MSRA: variants seen among roughly 807,000 people sequenced by gnomAD.
MSRA encodes methionine sulfoxide reductase A.
In MSRA, 54 loss-of-function variants were observed where a neutral mutation model predicts 31.3. That is an observed-to-expected ratio of 1.73 (90% CI 1.39 to 2.17). The LOEUF (loss-of-function observed/expected upper bound fraction) is 2.17, where lower values mean the gene tolerates loss of function less well. Ranked by LOEUF, MSRA falls within the 30% of genes most tolerant of loss-of-function variation. The pLI, the probability that MSRA is intolerant of heterozygous loss-of-function variation, is 0.00. For synonymous variants in MSRA, 169 were observed against 116.5 expected, an observed-to-expected ratio of 1.45 and a Z score of -2.90; for missense variants, 507 against 300.9, an observed-to-expected ratio of 1.69 and a Z score of -5.07.
intron 1 of MSRA, among the ~76,000 whole-genome samples, chr8:10,162,909 C>A (rs78760811): frequency 0.051 from 7,774 of 152,206 alleles, 310 homozygotes; most frequent in South Asian, 0.12. Context: ...CACGGAATAT[C>A]ATGGGGCCTC....
intron 2 of MSRA, among the ~76,000 whole-genome samples, chr8:10,210,261 G>A (rs1209334333): frequency 1.3e-5 from 2 of 152,164 alleles, no homozygotes; most frequent in African/African-American, 2.4e-5. Context: ...AGAGCCACTT[G>A]GCCAAGGAGG....
intron 1 of MSRA, among the ~76,000 whole-genome samples, chr8:10,147,244 T>C (rs1180034504): frequency 6.6e-6 from 1 of 152,070 alleles, no homozygotes; most frequent in Admixed American, 6.5e-5. Context: ...CAGTGTTGCA[T>C]GTGTTGGATT....
chr8:10,279,519 A>T (rs918452181), intron 3 of MSRA, among the ~76,000 whole-genome samples: 1 of 152,004 alleles, frequency 6.6e-6, no homozygotes, highest in Non-Finnish European at 1.5e-5. Flanking sequence ...TACCCCCCAC[A>T]CGCCTTCTCT....
chr8:10,258,514 C>G (rs1232437733), intron 3 of MSRA, among the ~76,000 whole-genome samples: 2 of 152,174 alleles, frequency 1.3e-5, no homozygotes, highest in African/African-American at 2.4e-5. Flanking sequence ...GGCTCCTGAT[C>G]AATGCCGAGT....
At chr8:10,268,704 A>G (rs541831640) in intron 3 of MSRA, among the ~76,000 whole-genome samples, 49 of 152,356 alleles carry the variant, frequency 3.2e-4, no homozygotes, top group Admixed American at 1.6e-3. Context: ...TTTCCCCATC[A>G]TGGGATTTGA....
At chr8:10,207,778 T>A in intron 1 of MSRA, 55 bp from the exon 2 acceptor site, 6 of 1,488,942 alleles carry the variant, frequency 4.0e-6, no homozygotes, top group Non-Finnish European at 5.5e-6. Context: ...TGACATGTGT[T>A]AGTATGTGTT....
At chr8:10,352,539 T>C (rs767808235) in intron 5 of MSRA, among the ~76,000 whole-genome samples, 1 of 152,096 alleles carries the variant, frequency 6.6e-6, no homozygotes, top group Non-Finnish European at 1.5e-5. Flanking sequence ...AGCCAGCTTA[T>C]CAGTGTGGAG....
chr8:10,218,114 C>CTATTTATTTATTTATT (rs371596796), intron 2 of MSRA, among the ~76,000 whole-genome samples: 8 of 138,756 alleles, frequency 5.8e-5, no homozygotes, highest in East Asian at 2.1e-4. Flanking sequence ...GGTTCCTTTT[C>CTATTTATTTATTTATT]TATTTATTTA....
intron 5 of MSRA, among the ~76,000 whole-genome samples, chr8:10,408,685 C>A (rs956271952): frequency 1.3e-5 from 2 of 152,156 alleles, no homozygotes; most frequent in Non-Finnish European, 2.9e-5. Flanking sequence ...GTTAATATCA[C>A]CCAAATAATG....
At chr8:10,293,416 C>T (rs1035930998) in intron 3 of MSRA, among the ~76,000 whole-genome samples, 8 of 152,190 alleles carry the variant, frequency 5.3e-5, no homozygotes, top group African/African-American at 9.7e-5. Context: ...CCTCCGTGTG[C>T]GTCTGACGTC....
intron 5 of MSRA, among the ~76,000 whole-genome samples, chr8:10,397,124 C>T (rs906369704): frequency 3.9e-5 from 6 of 152,150 alleles, no homozygotes; most frequent in South Asian, 2.1e-4. Context: ...CTCTATGATC[C>T]GCAGGTGTGG....
intron 1 of MSRA, among the ~76,000 whole-genome samples, chr8:10,175,590 T>A (rs1238419133): frequency 1.3e-5 from 2 of 152,204 alleles, no homozygotes; most frequent in African/African-American, 4.8e-5. Flanking sequence ...AATATCTCAT[T>A]AAGAGGATAA....
At chr8:10,102,235 C>T (rs1406597168) in intron 1 of MSRA, among the ~76,000 whole-genome samples, 1 of 152,166 alleles carries the variant, frequency 6.6e-6, no homozygotes. Flanking sequence ...CAGGTGTGCC[C>T]TCTTTCTCCT....
chr8:10,159,020 T>C (rs539694965), intron 1 of MSRA, among the ~76,000 whole-genome samples: 1 of 152,280 alleles, frequency 6.6e-6, no homozygotes, highest in East Asian at 1.9e-4. Flanking sequence ...CATTTAGATT[T>C]TAGGAAGATC....
intron 1 of MSRA, among the ~76,000 whole-genome samples, chr8:10,093,289 T>C (rs918661422): frequency 5.9e-5 from 9 of 152,282 alleles, no homozygotes; most frequent in Middle Eastern, 3.4e-3. Context: ...TTATGTTAAA[T>C]ATTTTTTCAA....
At chr8:10,054,729 G>C (rs565883740) in intron 1 of MSRA, 71 bp downstream of exon 1, 3 of 1,378,754 alleles carry the variant, frequency 2.2e-6, no homozygotes, top group East Asian at 5.9e-5. Flanking sequence ...GCGGCAGCGC[G>C]CCCGCTGCCC....
intron 5 of MSRA, among the ~76,000 whole-genome samples, chr8:10,402,461 T>C (rs1807525859): frequency 6.6e-6 from 1 of 152,200 alleles, no homozygotes; most frequent in South Asian, 2.1e-4. Context: ...CAGTTTTCCC[T>C]GGAGAGGGGA....
chr8:10,332,014 C>T (rs1802729653), intron 5 of MSRA, among the ~76,000 whole-genome samples: 1 of 152,212 alleles, frequency 6.6e-6, no homozygotes, highest in Non-Finnish European at 1.5e-5. Flanking sequence ...ACAGTGACTT[C>T]ATCCTGCCTT....
chr8:10,320,368 T>G (rs1448967732), intron 5 of MSRA: 2 of 156,758 alleles, frequency 1.3e-5, no homozygotes, highest in Non-Finnish European at 2.8e-5. Context: ...CCTGGGAGGG[T>G]GAGGTGGGAG....
Sources: allele counts gnomAD v4.1 joint callset (sites outside exome capture counted in the v4.1 genomes callset), GRCh38; gene constraint gnomAD v4.1.1; transcripts MANE v1.5; gene names NCBI Gene and HGNC (gene_info 2026-07-23, HGNC 2026-07-21).